The following UPF1 variants were observed in gnomAD, a reference collection of about 807,000 sequenced individuals.
UPF1 encodes the protein UPF1 RNA helicase and ATPase, also known as regulator of nonsense transcripts 1.
Under a neutral mutation model 129.2 loss-of-function variants are expected in UPF1, and 9 were observed. The ratio of observed to expected loss-of-function variants is 0.07; its 90% confidence interval spans 0.04 to 0.12. The LOEUF (loss-of-function observed/expected upper bound fraction) is 0.12, where lower values mean the gene tolerates loss of function less well. Ranked by LOEUF, UPF1 falls within the 10% of genes least tolerant of loss-of-function variation. The pLI, the probability that UPF1 is intolerant of heterozygous loss-of-function variation, is 1.00. For synonymous variants in UPF1, 649 were observed against 644.9 expected (o/e 1.01, Z -0.10); for missense variants, 788 against 1,525.3 (o/e 0.52, Z 8.05).
Position 18,863,391 on chromosome 19 carries a change from A to G in UPF1, c.2601-47A>G, listed in dbSNP as rs2238658. On this transcript the variant is annotated intron_variant, in intron 18 of 23. Coordinates refer to ENST00000262803, the MANE Select transcript of UPF1 (RefSeq NM_002911.4). ...CTTGCCTCTTGGACCGTCCTGTGAG[A>G]CGGGCAGCTCTCCACCTGCGTCCTC... The G allele has an allele frequency of 0.42, 675,995 of 1,591,230 alleles. 145,602 individuals are homozygous for G. Among genetic ancestry groups the G allele is most frequent in the South Asian group, 0.59 (52,616 of 89,648 alleles).
intron 1 of UPF1, among the ~76,000 whole-genome samples, chr19:18,838,891 C>T (rs561905545): frequency 2.6e-5 from 4 of 152,234 alleles, no homozygotes; most frequent in Admixed American, 6.5e-5. Context: ...GGTGAATACA[C>T]GAAACAATTT....
At chr19:18,864,738 T>TG (rs1022291664) in intron 20 of UPF1, among the ~76,000 whole-genome samples, 5 of 137,472 alleles carry the variant, frequency 3.6e-5, no homozygotes, top group African/African-American at 1.4e-4. Flanking sequence ...CAGGTGTTTT[T>TG]TTTTTTTTTT....
intron 16 of UPF1, 146 bp from the exon 17 acceptor site, chr19:18,860,680 G>A: frequency 8.2e-7 from 1 of 1,221,116 alleles, no homozygotes; most frequent in Admixed American, 2.4e-5. Context: ...CTCCCCTGGT[G>A]AAGGCTGGGG....
intron 1 of UPF1, among the ~76,000 whole-genome samples, chr19:18,842,258 T>C (rs902519937): frequency 6.6e-6 from 1 of 152,202 alleles, no homozygotes; most frequent in African/African-American, 2.4e-5. Flanking sequence ...GGGACTTGGA[T>C]TCTTAAAAAC....
At position 18,832,136 on chromosome 19, in the gene UPF1, C is replaced by A; in HGVS notation, c.-74C>A. 1 of 1,340,164 alleles carries A rather than the reference C, an allele frequency of 7.5e-7. No homozygotes were observed. The highest frequency in any genetic ancestry group is 9.8e-7 in the Non-Finnish European group (1 of 1,021,650). The allele number at this position is 1,340,164 out of a possible 1,614,324, so 83.0% of individuals were successfully genotyped here. On this transcript the variant is annotated 5_prime_UTR_variant, in exon 1 of 24. Coordinates refer to ENST00000262803, the MANE Select transcript of UPF1 (RefSeq NM_002911.4). This position sits in a 1 kb window ranked among gnomAD's most constrained non-coding sequence, Gnocchi z 5.6. Reference sequence around the variant, plus strand: ...GACAGCGGCAGCGACCCGAGGCCTGCGGCCTAGGCCTCAGCGCGGCGGCGG... The same window carrying A: ...GACAGCGGCAGCGACCCGAGGCCTGAGGCCTAGGCCTCAGCGCGGCGGCGG...
rs751015438 is a variant in UPF1 at position 18,865,523 on chromosome 19, T to C, written c.3020-38T>C. 2 of 1,613,236 alleles carry C rather than the reference T, an allele frequency of 1.2e-6. No individual in the cohort carries two copies. The highest frequency in any genetic ancestry group is 8.5e-7 in the Non-Finnish European group (1 of 1,179,532). Reference sequence around the variant, plus strand: ...GAGGGTGTGCTTGTCTGCGAGGCCCTGGCCTCCTTCGGATCACCCTGGACT... The same window carrying C: ...GAGGGTGTGCTTGTCTGCGAGGCCCCGGCCTCCTTCGGATCACCCTGGACT... On this transcript the variant is annotated intron_variant, in intron 21 of 23. Transcript: ENST00000262803. This position sits in a 1 kb window ranked among gnomAD's most constrained non-coding sequence, Gnocchi z 6.1.
chr19:18,852,690 C>T (rs1292670225), intron 6 of UPF1, among the ~76,000 whole-genome samples: 1 of 149,894 alleles, frequency 6.7e-6, no homozygotes, highest in Non-Finnish European at 1.5e-5. Context: ...TCTGTCCCTC[C>T]CTCCCCTCCT....
Position 18,865,480 on chromosome 19 carries a change from G to A in UPF1, c.3019+30G>A. ...GCATCTGTGGCTGCGGCTGGGTGTG[G>A]CCCTCCTGAGAGCTCTTGAGGGTGT... On this transcript the variant is annotated intron_variant, in intron 21 of 23. Coordinates refer to ENST00000262803, the MANE Select transcript of UPF1 (RefSeq NM_002911.4). The surrounding 1 kb of genome is among the most constrained non-coding windows in gnomAD (Gnocchi z 6.1). 2 of 1,611,658 alleles carry A rather than the reference G, an allele frequency of 1.2e-6. No individual in the cohort carries two copies. The highest frequency in any genetic ancestry group is 1.7e-6 in the Non-Finnish European group (2 of 1,178,206).
At position 18,865,512 on chromosome 19, in the gene UPF1, C is replaced by T; in HGVS notation, c.3020-49C>T. 2 of 1,612,542 alleles carry T rather than the reference C, an allele frequency of 1.2e-6. No individual in the cohort carries two copies. The highest frequency in any genetic ancestry group is 1.7e-6 in the Non-Finnish European group (2 of 1,178,986). ...TGAGAGCTCTTGAGGGTGTGCTTGTCTGCGAGGCCCTGGCCTCCTTCGGAT... is the reference window on the plus strand; with the variant it reads ...TGAGAGCTCTTGAGGGTGTGCTTGTTTGCGAGGCCCTGGCCTCCTTCGGAT... On this transcript the variant is annotated intron_variant, in intron 21 of 23. Transcript: ENST00000262803. This position sits in a 1 kb window ranked among gnomAD's most constrained non-coding sequence, Gnocchi z 6.1.
At chr19:18,860,776 G>C (rs2055769911) in intron 16 of UPF1, 50 bp from the exon 17 acceptor site, 1 of 1,604,202 alleles carries the variant, frequency 6.2e-7, no homozygotes, top group Admixed American at 1.7e-5. Context: ...CAGCCTCAGG[G>C]CTCGGGATCC....
At position 18,865,992 on chromosome 19, in the gene UPF1, A is replaced by G; in HGVS notation, c.3238-52A>G. The G allele has an allele frequency of 6.2e-7, 1 of 1,609,006 alleles. No individual in the cohort carries two copies. The highest frequency in any genetic ancestry group is 8.5e-7 in the Non-Finnish European group (1 of 1,178,700). ...TCTGGGGCTGCTGAGGGCTGGGTGG[A>G]TGTGAGCACCCTTGGCCTGTGGCTT... On this transcript the variant is annotated intron_variant, in intron 22 of 23. Coordinates refer to ENST00000262803, the MANE Select transcript of UPF1 (RefSeq NM_002911.4). This position sits in a 1 kb window ranked among gnomAD's most constrained non-coding sequence, Gnocchi z 6.1.
rs2055768971 is a variant in UPF1, at chr19:18,860,708, C to T, written c.2301-118C>T. On this transcript the variant is annotated intron_variant, in intron 16 of 23. Transcript: ENST00000262803. The stretch of plus-strand genomic sequence containing the variant: ...GGCTGGGGAAGCTCAGCTGTGCAAA[C>T]GCCAGTGATGGCAGCTGCCTTCCCG... 6.3e-6 allele frequency: 9 copies of T among 1,425,536 alleles called. No homozygotes were observed. In the South Asian group the frequency reaches 6.7e-5, roughly 11 times the overall value. 88.3% of individuals were successfully genotyped at this position (1,425,536 alleles called of 1,614,324 possible). A position where few individuals can be genotyped will look rare whatever the true frequency, so the allele number is the denominator to read the frequency against.
intron 2 of UPF1, among the ~76,000 whole-genome samples, chr19:18,846,668 A>C (rs953777079): frequency 6.6e-6 from 1 of 152,080 alleles, no homozygotes; most frequent in Non-Finnish European, 1.5e-5. Context: ...TTTGTGACAC[A>C]CAAGTGAGGA....
At position 18,867,229 on chromosome 19, in the gene UPF1, C is replaced by G. The variant is rs945478945; in HGVS notation, c.*712C>G. 6.6e-6 allele frequency: 1 copy of G among 152,286 alleles called. No individual in the cohort carries two copies. The highest frequency in any genetic ancestry group is 2.4e-5 in the African/African-American group (1 of 41,452). 9.4% of individuals were successfully genotyped at this position (152,286 alleles called of 1,614,324 possible). On this transcript the variant is annotated 3_prime_UTR_variant, in exon 24 of 24. Transcript: ENST00000262803. ...AGAGGAGCAACACCTGTGCCGCGGC[C>G]GGAGGAGTTTTGTTGTTGGTTTTAG...
Position 18,832,858 on chromosome 19 carries a change from C to T in UPF1, c.231+418C>T, listed in dbSNP as rs113780493. Among the ~76,000 whole-genome samples, 200 of 152,292 alleles carry T rather than the reference C, an allele frequency of 1.3e-3. No individual in the cohort carries two copies. Among genetic ancestry groups the T allele is most frequent in the African/African-American group, 4.6e-3 (193 of 41,568 alleles). ...CAGTCTGGCCTGGAGTAACCTGCCC[C>T]CTGACTTATCTGAGTTCTTCCATTC... On this transcript the variant is annotated intron_variant, in intron 1 of 23. Transcript: ENST00000262803. The surrounding 1 kb of genome is among the most constrained non-coding windows in gnomAD (Gnocchi z 5.6).
chr19:18,850,102 A>G lies in UPF1; in HGVS notation c.489A>G (p.Ala163=), dbSNP rs1209705719. 6.2e-7 allele frequency: 1 copy of G among 1,614,238 alleles called. No homozygotes were observed. Among genetic ancestry groups the G allele is most frequent in the African/African-American group, 1.3e-5 (1 of 75,058 alleles). ...GSHIVNHLVR[A]KCKEVTLHKD... is the part of the protein sequence containing the mutation. Reference sequence around the variant, plus strand: ...ACATTGTAAATCACCTTGTGAGGGCAAAATGCAAAGAGGTGACCCTGCACA... The same window carrying G: ...ACATTGTAAATCACCTTGTGAGGGCGAAATGCAAAGAGGTGACCCTGCACA... The change falls in exon 4 of 24, where the codon GCA becomes GCG. Residue 163 remains alanine (A), a synonymous_variant. Transcript: ENST00000262803. This position sits in a 1 kb window ranked among gnomAD's most constrained non-coding sequence, Gnocchi z 7.1.
chr19:18,855,252 A>T lies in UPF1; in HGVS notation c.1544+10A>T, dbSNP rs575122325. On this transcript the variant is annotated intron_variant, in intron 11 of 23. Coordinates refer to ENST00000262803, the MANE Select transcript of UPF1 (RefSeq NM_002911.4). ...CCCGGCAAGGCAACGGGTAGGGCTG[A>T]CACGGCCCTTGCGGGCAAGACCCGG... 5 of 1,608,628 alleles carry T rather than the reference A, an allele frequency of 3.1e-6. No homozygotes were observed. The African/African-American group carries it at 6.7e-5, about 21-fold the overall frequency.
At chr19:18,859,494 C>A in intron 15 of UPF1, 1 of 152,310 alleles carries the variant, frequency 6.6e-6, no homozygotes. Context: ...CACAGCAGCC[C>A]CTGGGCTGAG....
chr19:18,862,173 A>G (rs766012581), intron 18 of UPF1, 21 bp downstream of exon 18: 1 of 1,611,082 alleles, frequency 6.2e-7, no homozygotes, highest in Non-Finnish European at 8.5e-7. Context: ...TGCCTGCTGC[A>G]TGCTGCCCAG....
Sources: allele counts gnomAD v4.1 joint callset (sites outside exome capture counted in the v4.1 genomes callset), GRCh38; gene constraint gnomAD v4.1.1; non-coding constraint Gnocchi (gnomAD v3.1); transcripts MANE v1.5; gene names NCBI Gene and HGNC (gene_info 2026-07-23, HGNC 2026-07-21).